The following CERKL variants were observed in gnomAD, a reference collection of about 807,000 sequenced individuals.
CERKL encodes ceramide kinase-like protein.
CERKL carries 61 observed loss-of-function variants against 63.4 expected under a neutral mutation model. That is an observed-to-expected ratio of 0.96 (90% CI 0.78 to 1.19). The LOEUF is 1.19. Ranked by LOEUF, CERKL falls within the 50% of genes most tolerant of loss-of-function variation. The probability of loss-of-function intolerance (pLI) is 0.00; values close to 1 mark genes in which losing one functional copy is unlikely to be tolerated. For missense variants in CERKL, 675 were observed against 655.5 expected (o/e 1.03, Z -0.33); for synonymous variants, 250 against 230.5 (o/e 1.08, Z -0.77).
chr2:181,547,109 T>A (rs1687760847), intron 10 of CERKL, among the ~76,000 whole-genome samples: 1 of 152,190 alleles, frequency 6.6e-6, no homozygotes, highest in African/African-American at 2.4e-5. Flanking sequence ...TCCACCATGA[T>A]TGTGGAGCCT....
At chr2:181,561,811 A>C in intron 4 of CERKL, among the ~76,000 whole-genome samples, 1 of 97,406 alleles carries the variant, frequency 1.0e-5, no homozygotes. Flanking sequence ...ATAATTTTTT[A>C]TTTTATTTTA....
At chr2:181,570,765 A>G (rs576032066) in intron 3 of CERKL, among the ~76,000 whole-genome samples, 3 of 152,184 alleles carry the variant, frequency 2.0e-5, no homozygotes, top group Non-Finnish European at 4.4e-5. Flanking sequence ...AATTTATGAA[A>G]AAATTACAGT....
chr2:181,653,008 C>T (rs139779195), intron 1 of CERKL, among the ~76,000 whole-genome samples: 1 of 152,122 alleles, frequency 6.6e-6, no homozygotes, highest in Non-Finnish European at 1.5e-5. Context: ...CTTCTGACCT[C>T]GTGATCTGCC....
intron 1 of CERKL, among the ~76,000 whole-genome samples, chr2:181,631,691 T>TC (rs1397436229): frequency 1.3e-5 from 2 of 152,038 alleles, no homozygotes; most frequent in Middle Eastern, 3.2e-3. Context: ...CAAAGCACTC[T>TC]CCCCTTTTAC....
intron 1 of CERKL, among the ~76,000 whole-genome samples, chr2:181,609,848 G>A (rs1685888990): frequency 6.6e-6 from 1 of 152,148 alleles, no homozygotes; most frequent in Non-Finnish European, 1.5e-5. Context: ...TCACTGATGT[G>A]ATAATGGTGG....
At chr2:181,631,412 G>C (rs987006527) in intron 1 of CERKL, among the ~76,000 whole-genome samples, 8 of 152,126 alleles carry the variant, frequency 5.3e-5, no homozygotes, top group African/African-American at 1.7e-4. Context: ...TGGAGAAACA[G>C]GCACACTGGA....
intron 2 of CERKL, among the ~76,000 whole-genome samples, chr2:181,600,574 G>A (rs1116329): frequency 0.03 from 4,634 of 152,202 alleles, 226 homozygotes; most frequent in African/African-American, 0.11. Context: ...ATACTTGTAT[G>A]AGAAGAAACA....
At chr2:181,640,668 A>G (rs1687380465) in intron 1 of CERKL, among the ~76,000 whole-genome samples, 1 of 152,204 alleles carries the variant, frequency 6.6e-6, no homozygotes, top group African/African-American at 2.4e-5. Context: ...TCTAGGCAAT[A>G]GCATCTTCCT....
chr2:181,549,579 T>A (rs1470713164), intron 6 of CERKL, 55 bp downstream of exon 6: 1 of 1,296,058 alleles, frequency 7.7e-7, no homozygotes, highest in Non-Finnish European at 1.1e-6. Flanking sequence ...ATGGCCTTCC[T>A]TATATAAATC....
chr2:181,591,843 T>C (rs1331814903), intron 2 of CERKL, among the ~76,000 whole-genome samples: 2 of 152,172 alleles, frequency 1.3e-5, no homozygotes, highest in African/African-American at 4.8e-5. Flanking sequence ...ACTAGGAGTA[T>C]ATTTAGCTCC....
intron 1 of CERKL, among the ~76,000 whole-genome samples, chr2:181,632,530 C>T (rs1687007765): frequency 6.6e-6 from 1 of 152,152 alleles, no homozygotes; most frequent in South Asian, 2.1e-4. Flanking sequence ...ATTACGGGTG[C>T]ACCTGTTCAG....
intron 1 of CERKL, among the ~76,000 whole-genome samples, chr2:181,651,585 C>G (rs370247041): frequency 3.2e-4 from 49 of 152,218 alleles, no homozygotes; most frequent in African/African-American, 1.2e-3. Context: ...AGACCAATAA[C>G]GAGATCAATT....
intron 2 of CERKL, among the ~76,000 whole-genome samples, chr2:181,590,418 G>C (rs1384342851): frequency 6.6e-6 from 1 of 151,930 alleles, no homozygotes; most frequent in African/African-American, 2.4e-5. Context: ...GGAATTACAG[G>C]TGTGAGCCAC....
chr2:181,571,560 T>C (rs1005158584), intron 3 of CERKL, among the ~76,000 whole-genome samples: 7 of 152,062 alleles, frequency 4.6e-5, no homozygotes, highest in African/African-American at 1.4e-4. Flanking sequence ...CCAAACCAGA[T>C]TGCAACAGTA....
At chr2:181,586,909 T>A (rs1169932197) in intron 2 of CERKL, among the ~76,000 whole-genome samples, 1 of 152,172 alleles carries the variant, frequency 6.6e-6, no homozygotes, top group Non-Finnish European at 1.5e-5. Context: ...GTCATACTCT[T>A]GTGTATATTC....
At chr2:181,597,718 G>A (rs1449147914) in intron 2 of CERKL, among the ~76,000 whole-genome samples, 1 of 152,176 alleles carries the variant, frequency 6.6e-6, no homozygotes, top group Non-Finnish European at 1.5e-5. Context: ...CATATTGCTT[G>A]TGCACCAGTG....
intron 1 of CERKL, among the ~76,000 whole-genome samples, chr2:181,619,426 C>G (rs145652560): frequency 1.2e-3 from 178 of 152,150 alleles, no homozygotes; most frequent in African/African-American, 4.1e-3. Flanking sequence ...TCCTCCTGAG[C>G]CTCAGATTAT....
chr2:181,541,374 G>A (rs1473692894), intron 11 of CERKL, among the ~76,000 whole-genome samples: 2 of 152,158 alleles, frequency 1.3e-5, no homozygotes, highest in Admixed American at 1.3e-4. Flanking sequence ...ATACATTTCT[G>A]TTTGTTTAAG....
At position 181,537,990 on chromosome 2, in the gene CERKL, T is replaced by G. The variant is rs754710919; in HGVS notation, c.*194A>C. ...GGTATGTGAGGGATCTAGAGTGCCA[T>G]GTTCCTCAAGAGAATCTAATGCCTG... On this transcript the variant is annotated 3_prime_UTR_variant, in exon 13 of 13. Transcript: ENST00000410087. The G allele has an allele frequency of 1.3e-5, 9 of 674,888 alleles. No individual in the cohort carries two copies. Among genetic ancestry groups the G allele is most frequent in the Non-Finnish European group, 2.8e-6 (1 of 360,252 alleles). The allele number at this position is 674,888 out of a possible 1,614,324, so 41.8% of individuals were successfully genotyped here.
Sources: gnomAD v4.1 joint callset for allele counts (sites outside exome capture counted in the v4.1 genomes callset) on GRCh38, gnomAD v4.1.1 for gene constraint, MANE v1.5 for transcripts, NCBI Gene and HGNC (gene_info 2026-07-23, HGNC 2026-07-21) for gene names.